The following TIAM1 variants were observed in gnomAD, a reference collection of about 807,000 sequenced individuals.
TIAM1 encodes the protein rho guanine nucleotide exchange factor TIAM1.
TIAM1 carries 65 observed loss-of-function variants against 163.5 expected under a neutral mutation model. The observed-to-expected ratio is 0.40, with a 90% CI of 0.33 to 0.49. The LOEUF (loss-of-function observed/expected upper bound fraction) is 0.49, where lower values mean the gene tolerates loss of function less well. Among genes scored for constraint, TIAM1 ranks in the 20% least tolerant of loss-of-function variants. The probability of loss-of-function intolerance (pLI) is 0.77; values close to 1 mark genes in which losing one functional copy is unlikely to be tolerated. For synonymous variants in TIAM1, 833 were observed against 810.1 expected (o/e 1.03, Z -0.48); for missense variants, 1,789 against 2,044.7 (o/e 0.87, Z 2.41).
Position 31,120,558 on chromosome 21 carries a change from T to C in TIAM1, c.4586A>G (p.Gln1529Arg), listed in dbSNP as rs774586587. 1 of 1,614,218 alleles carries C rather than the reference T, an allele frequency of 6.2e-7. No individual in the cohort carries two copies. Among genetic ancestry groups the C allele is most frequent in the Non-Finnish European group, 8.5e-7 (1 of 1,180,040 alleles). ...SVDRDLQERLQATSISQRERG... is the reference protein window; with the variant it reads ...SVDRDLQERLRATSISQRERG... ...TTCCCGCTGACTGATGGAGGTGGCC[T>C]GAAGCCGCTCCTGCAGGTCTCTGTC... The change falls in exon 28 of 28, where the codon CAG becomes CGG. Residue 1529 changes from glutamine to arginine, a missense_variant. Gln to Arg is a conservative substitution (Grantham distance 43, BLOSUM62 1). Around this residue, in one of 5 missense-constraint regions of TIAM1, gnomAD observed 415 missense variants for 439.2 expected, o/e 0.94. Coordinates refer to ENST00000541036, the MANE Select transcript of TIAM1 (RefSeq NM_001353694.2). The surrounding 1 kb of genome is among the most constrained non-coding windows in gnomAD (Gnocchi z 4.2).
Position 31,266,256 on chromosome 21 carries a change from T to C in TIAM1, c.717A>G (p.Lys239=). The change falls in exon 4 of 28, where the codon AAA becomes AAG. Residue 239 remains lysine (K), a synonymous_variant. Transcript: ENST00000541036. ...ANSLGDLYAQ[K]NSGVTANGGP... is the part of the protein sequence containing the mutation. The stretch of plus-strand genomic sequence containing the variant: ...CCCCGTTTGCTGTCACTCCAGAGTT[T>C]TTCTGAGCATACAAGTCACCCAAGG... The C allele has an allele frequency of 1.9e-6, 3 of 1,614,206 alleles. No homozygotes were observed. Among genetic ancestry groups the C allele is most frequent in the South Asian group, 2.2e-5 (2 of 91,088 alleles).
At chr21:31,206,197 G>A (rs2086443165) in intron 11 of TIAM1, among the ~76,000 whole-genome samples, 1 of 152,142 alleles carries the variant, frequency 6.6e-6, no homozygotes, top group African/African-American at 2.4e-5. Flanking sequence ...ATATACCAGT[G>A]TGTCTTACTA....
chr21:31,332,496 A>G (rs1421017200), intron 2 of TIAM1, among the ~76,000 whole-genome samples: 1 of 152,142 alleles, frequency 6.6e-6, no homozygotes, highest in South Asian at 2.1e-4. Context: ...TCACCTTCTC[A>G]TATTTCATAT....
intron 1 of TIAM1, among the ~76,000 whole-genome samples, chr21:31,487,684 A>G (rs1439222463): frequency 1.3e-5 from 2 of 151,540 alleles, no homozygotes; most frequent in African/African-American, 4.8e-5. Flanking sequence ...CAGCCTCCCA[A>G]GTAGCTGGGA....
At chr21:31,188,327 C>T (rs1189170426) in intron 13 of TIAM1, among the ~76,000 whole-genome samples, 1 of 152,148 alleles carries the variant, frequency 6.6e-6, no homozygotes, top group African/African-American at 2.4e-5. Flanking sequence ...TCAGCAACTT[C>T]TAACTTTCAG....
chr21:31,225,449 C>T (rs939565137), intron 7 of TIAM1, among the ~76,000 whole-genome samples: 1 of 152,134 alleles, frequency 6.6e-6, no homozygotes, highest in African/African-American at 2.4e-5. Flanking sequence ...TTACACAGAT[C>T]CCCTAGAAGA....
chr21:31,460,525 G>T (rs920849464), intron 2 of TIAM1, among the ~76,000 whole-genome samples: 1 of 152,202 alleles, frequency 6.6e-6, no homozygotes, highest in African/African-American at 2.4e-5. Context: ...TACTCGAGAG[G>T]CTGAGGCCAC....
intron 23 of TIAM1, among the ~76,000 whole-genome samples, chr21:31,131,422 A>G (rs1392463231): frequency 6.6e-6 from 1 of 152,252 alleles, no homozygotes; most frequent in Non-Finnish European, 1.5e-5. Flanking sequence ...GACCTAAAGA[A>G]ACAAAAATGA....
At chr21:31,534,712 T>C (rs2123243125) in intron 1 of TIAM1, among the ~76,000 whole-genome samples, 1 of 152,106 alleles carries the variant, frequency 6.6e-6, no homozygotes, top group Non-Finnish European at 1.5e-5. Context: ...GAATCTTAAT[T>C]TCTACCTGCC....
At chr21:31,170,028 A>C (rs1261612762) in intron 15 of TIAM1, among the ~76,000 whole-genome samples, 1 of 152,206 alleles carries the variant, frequency 6.6e-6, no homozygotes, top group East Asian at 1.9e-4. Flanking sequence ...TCAGCAAAAC[A>C]AGATAATAGA....
chr21:31,515,540 G>A (rs1200770752), intron 1 of TIAM1, among the ~76,000 whole-genome samples: 3 of 152,104 alleles, frequency 2.0e-5, no homozygotes, highest in South Asian at 2.1e-4. Context: ...TCAGAGTCTG[G>A]CACAAGCTAG....
chr21:31,166,351 C>T (rs2084215341), intron 15 of TIAM1, among the ~76,000 whole-genome samples: 1 of 152,130 alleles, frequency 6.6e-6, no homozygotes, highest in Non-Finnish European at 1.5e-5. Flanking sequence ...GCAGAAGGAG[C>T]CCCTGATGCT....
At chr21:31,503,614 G>GGGAGAGGAGT (rs1569393743) in intron 1 of TIAM1, among the ~76,000 whole-genome samples, 42 of 4,282 alleles carry the variant, frequency 9.8e-3, no homozygotes, top group Non-Finnish European at 0.012. Flanking sequence ...GGGAGGGGAG[G>GGGAGAGGAGT]GACCTGAAAT....
chr21:31,291,931 A>G (rs2074039500), intron 2 of TIAM1, among the ~76,000 whole-genome samples: 1 of 152,118 alleles, frequency 6.6e-6, no homozygotes, highest in Non-Finnish European at 1.5e-5. Flanking sequence ...CTCCTTCTTC[A>G]GCACAAATCC....
At chr21:31,522,660 C>A (rs2047643043) in intron 1 of TIAM1, among the ~76,000 whole-genome samples, 1 of 152,202 alleles carries the variant, frequency 6.6e-6, no homozygotes, top group Admixed American at 6.5e-5. Context: ...GGCCAAACCA[C>A]CAGTTCTCTC....
intron 2 of TIAM1, among the ~76,000 whole-genome samples, chr21:31,418,716 CT>C (rs1353891300): frequency 2.0e-5 from 3 of 152,198 alleles, no homozygotes; most frequent in Non-Finnish European, 1.5e-5. Flanking sequence ...ACAACCTTCT[CT>C]TGGGAGCTCC....
At chr21:31,304,244 AG>A (rs2074611205) in intron 2 of TIAM1, among the ~76,000 whole-genome samples, 1 of 152,220 alleles carries the variant, frequency 6.6e-6, no homozygotes, top group South Asian at 2.1e-4. Context: ...TTAGTATCAG[AG>A]GCATAAGAAA....
At chr21:31,320,975 G>A (rs898992489) in intron 2 of TIAM1, among the ~76,000 whole-genome samples, 2 of 151,648 alleles carry the variant, frequency 1.3e-5, no homozygotes, top group African/African-American at 2.4e-5. Context: ...CTGGGTGACA[G>A]AGTGACTCTG....
At chr21:31,237,472 T>C (rs76974423) in intron 6 of TIAM1, among the ~76,000 whole-genome samples, 5,239 of 152,298 alleles carry the variant, frequency 0.034, 306 homozygotes, top group African/African-American at 0.12. Flanking sequence ...GAGGAGCCCA[T>C]GGAACTAGTC....
Sources: gnomAD v4.1 joint callset for allele counts (sites outside exome capture counted in the v4.1 genomes callset) on GRCh38, gnomAD v4.1.1 for gene constraint, gnomAD v4.1.1 regional missense constraint, Gnocchi (gnomAD v3.1) non-coding constraint, MANE v1.5 for transcripts, NCBI Gene and HGNC (gene_info 2026-07-23, HGNC 2026-07-21) for gene names.